The following SRSF10 variants were observed in gnomAD, a reference collection of about 807,000 sequenced individuals.
The protein encoded by SRSF10 is serine/arginine-rich splicing factor 10.
Under a neutral mutation model 32.6 loss-of-function variants are expected in SRSF10, and 9 were observed. That is an observed-to-expected ratio of 0.28 (90% CI 0.17 to 0.48). The LOEUF is 0.48. SRSF10 is among the 20% of genes least tolerant of loss of function. The probability of loss-of-function intolerance (pLI) is 0.99; values close to 1 mark genes in which losing one functional copy is unlikely to be tolerated. For synonymous variants in SRSF10, 105 were observed against 112.4 expected (o/e 0.93, Z 0.42); for missense variants, 201 against 331.8 (o/e 0.61, Z 3.06).
Position 23,968,554 on chromosome 1 carries a change from G to C in SRSF10, c.*2588C>G, listed in dbSNP as rs1453619822. Among the ~76,000 whole-genome samples, 13 of 152,178 alleles carry C rather than the reference G, an allele frequency of 8.5e-5. No individual in the cohort carries two copies. Among genetic ancestry groups the C allele is most frequent in the Non-Finnish European group, 1.3e-4 (9 of 67,986 alleles). ...GTGAGTTAACACATAGCCTTTTCAA[G>C]TGTCTGGCACATCATGAATACTTAA... On this transcript the variant is annotated 3_prime_UTR_variant, in exon 6 of 6. Transcript: ENST00000492112.
Position 23,980,317 on chromosome 1 carries a change from G to T in SRSF10, c.-62C>A. The T allele has an allele frequency of 1.5e-6, 2 of 1,374,508 alleles. No homozygotes were observed. Among genetic ancestry groups the T allele is most frequent in the Non-Finnish European group, 1.9e-6 (2 of 1,054,480 alleles). The allele number at this position is 1,374,508 out of a possible 1,614,324, so 85.1% of individuals were successfully genotyped here. A position where few individuals can be genotyped will look rare whatever the true frequency, so the allele number is the denominator to read the frequency against. ...TCAGCAAACCGTCCGCGGCTCAGGC[G>T]GCCGAGCCTCAGACACACACAGCTA... is the stretch of plus-strand genomic sequence containing the variant. On this transcript the variant is annotated 5_prime_UTR_variant, in exon 1 of 6. Transcript: ENST00000492112.
Position 23,965,922 on chromosome 1 carries a change from A to C in SRSF10, c.*5220T>G, listed in dbSNP as rs1641427360. 1 of 151,962 alleles carries C rather than the reference A, an allele frequency of 6.6e-6. No individual in the cohort carries two copies. Among genetic ancestry groups the C allele is most frequent in the South Asian group, 2.1e-4 (1 of 4,830 alleles). The allele number at this position is 151,962 out of a possible 1,614,324, so 9.4% of individuals were successfully genotyped here. A position where few individuals can be genotyped will look rare whatever the true frequency, so the allele number is the denominator to read the frequency against. On this transcript the variant is annotated 3_prime_UTR_variant, in exon 6 of 6. Coordinates refer to ENST00000492112, the MANE Select transcript of SRSF10 (RefSeq NM_054016.4). ...ATAGCCTCTACATATTCTTTTAAAA[A>C]TACATAGAACCTCTGTCCATAAGAA...
Position 23,969,056 on chromosome 1 carries a change from T to C in SRSF10, c.*2086A>G, listed in dbSNP as rs1051512065. 1.2e-6 allele frequency: 1 copy of C among 868,970 alleles called. No homozygotes were observed. Among genetic ancestry groups the C allele is most frequent in the Middle Eastern group, 5.9e-4 (1 of 1,688 alleles). 53.8% of individuals were successfully genotyped at this position (868,970 alleles called of 1,614,324 possible). A position where few individuals can be genotyped will look rare whatever the true frequency, so the allele number is the denominator to read the frequency against. On this transcript the variant is annotated 3_prime_UTR_variant, in exon 6 of 6. Coordinates refer to ENST00000492112, the MANE Select transcript of SRSF10 (RefSeq NM_054016.4). Reference sequence around the variant, plus strand: ...GTTATTTTAGAATCATATTCAATACTGTAATAATTCCAGTTAATCATTATT... The same window carrying C: ...GTTATTTTAGAATCATATTCAATACCGTAATAATTCCAGTTAATCATTATT...
intron 2 of SRSF10, chr1:23,977,860 TTACAA>T (rs1418819309): frequency 1.1e-6 from 1 of 930,098 alleles, no homozygotes; most frequent in African/African-American, 2.4e-5. Flanking sequence ...AATTAACTGC[TTACAA>T]AACATTAAAA....
intron 2 of SRSF10, chr1:23,977,278 G>A (rs1642150262): frequency 6.6e-6 from 1 of 152,174 alleles, no homozygotes; most frequent in Non-Finnish European, 1.5e-5. Context: ...CCTTGTTGCA[G>A]GGAGATGATC....
Position 23,974,928 on chromosome 1 carries a change from C to T in SRSF10, c.274+46G>A, listed in dbSNP as rs1346450468. The T allele has an allele frequency of 5.2e-6, 7 of 1,352,216 alleles. No individual in the cohort carries two copies. The African/African-American group carries it at 8.9e-5, about 17-fold the overall frequency. The allele number at this position is 1,352,216 out of a possible 1,614,324, so 83.8% of individuals were successfully genotyped here. A position where few individuals can be genotyped will look rare whatever the true frequency, so the allele number is the denominator to read the frequency against. ...AAATTCTTAAAAAAAAATCTCAAAA[C>T]ACTAAAAAATAATGTTTCATACATA... On this transcript the variant is annotated intron_variant, in intron 3 of 5. Coordinates refer to ENST00000492112, the MANE Select transcript of SRSF10 (RefSeq NM_054016.4).
chr1:23,980,216 C>T lies in SRSF10; in HGVS notation c.40G>A (p.Val14Ile). Residue 14 changes from valine (V) to isoleucine (I), a missense_variant, in exon 1 of 6, where the codon GTC becomes ATC. Transcript: ENST00000492112. ...CTGGTGTCGTCGGCCACGTTCCTGA[C>T]GAACAGAGACGTGTTGGGGGGACGC... ...YLRPPNTSLF[V>I]RNVADDTRSE... The T allele has an allele frequency of 6.5e-7, 1 of 1,528,714 alleles. No individual in the cohort carries two copies. 94.7% of individuals were successfully genotyped at this position (1,528,714 alleles called of 1,614,324 possible).
At position 23,975,210 on chromosome 1, in the gene SRSF10, T is replaced by C. The variant is rs1642013412; in HGVS notation, c.171-133A>G. 6 of 735,548 alleles carry C rather than the reference T, an allele frequency of 8.2e-6. No homozygotes were observed. In the Admixed American group the frequency reaches 8.9e-5, roughly 11 times the overall value. The allele number at this position is 735,548 out of a possible 1,614,324, so 45.6% of individuals were successfully genotyped here. A position where few individuals can be genotyped will look rare whatever the true frequency, so the allele number is the denominator to read the frequency against. On this transcript the variant is annotated intron_variant, in intron 2 of 5. Coordinates refer to ENST00000492112, the MANE Select transcript of SRSF10 (RefSeq NM_054016.4). ...ATCAACCAGACCCCCACTTACTAGT[T>C]GGTGATTCAGTTGGATTCAGTCATT... is the stretch of plus-strand genomic sequence containing the variant.
Position 23,970,149 on chromosome 1 carries a change from T to C in SRSF10, c.*993A>G. 1.0e-6 allele frequency: 1 copy of C among 985,420 alleles called. No homozygotes were observed. The highest frequency in any genetic ancestry group is 1.2e-6 in the Non-Finnish European group (1 of 829,916). The allele number at this position is 985,420 out of a possible 1,614,324, so 61.0% of individuals were successfully genotyped here. A position where few individuals can be genotyped will look rare whatever the true frequency, so the allele number is the denominator to read the frequency against. On this transcript the variant is annotated 3_prime_UTR_variant, in exon 6 of 6. Coordinates refer to ENST00000492112, the MANE Select transcript of SRSF10 (RefSeq NM_054016.4). ...GAATATTCCTTTTTCCTTAAAATTA[T>C]TTTTGCCATCAACGACCTGCTCAAA... is the stretch of plus-strand genomic sequence containing the variant.
rs1178890887 is a variant in SRSF10 at position 23,966,138 on chromosome 1, A to G, written c.*5004T>C. 1 of 151,934 alleles carries G rather than the reference A, an allele frequency of 6.6e-6. No individual in the cohort carries two copies. Among genetic ancestry groups the G allele is most frequent in the Non-Finnish European group, 1.5e-5 (1 of 67,832 alleles). 9.4% of individuals were successfully genotyped at this position (151,934 alleles called of 1,614,324 possible). On this transcript the variant is annotated 3_prime_UTR_variant, in exon 6 of 6. Transcript: ENST00000492112. ...GGTAACAAAAGATGAAACAAGTGAA[A>G]AATTATGGGCTGTAACCTAGGATCT...
chr1:23,971,664 A>G (rs1427842525), intron 4 of SRSF10, 38 bp from the exon 5 acceptor site: 210 of 1,594,966 alleles, frequency 1.3e-4, no homozygotes, highest in South Asian at 1.7e-4. Flanking sequence ...ACAAATATCT[A>G]TTCATAGAGG....
rs1286885133 is a variant in SRSF10 at position 23,967,340 on chromosome 1, G to C, written c.*3802C>G. 12 of 233,946 alleles carry C rather than the reference G, an allele frequency of 5.1e-5. No homozygotes were observed. The highest frequency in any genetic ancestry group is 9.2e-5 in the Non-Finnish European group (11 of 119,756). 14.5% of individuals were successfully genotyped at this position (233,946 alleles called of 1,614,324 possible). A position where few individuals can be genotyped will look rare whatever the true frequency, so the allele number is the denominator to read the frequency against. ...TTTGAGACAGACCAACAGAGGCACT[G>C]TAAGAGACTATGGCTGTCTTCCTTG... On this transcript the variant is annotated 3_prime_UTR_variant, in exon 6 of 6. Transcript: ENST00000492112.
Position 23,968,858 on chromosome 1 carries a change from G to A in SRSF10, c.*2284C>T, listed in dbSNP as rs1641587579. ...TAACCTCTTAAGTTAGTTAACCCAA[G>A]AGGCTTAATGAGCAATCATGAAACA... On this transcript the variant is annotated 3_prime_UTR_variant, in exon 6 of 6. Transcript: ENST00000492112. 1.3e-5 allele frequency among the ~76,000 whole-genome samples: 2 copies of A among 152,110 alleles called. No homozygotes were observed. Among genetic ancestry groups the A allele is most frequent in the Non-Finnish European group, 2.9e-5 (2 of 67,992 alleles).
intron 1 of SRSF10, among the ~76,000 whole-genome samples, chr1:23,979,389 C>T (rs920143825): frequency 1.7e-4 from 26 of 152,176 alleles, no homozygotes; most frequent in Middle Eastern, 3.4e-3. Context: ...ACCAAAAACC[C>T]AAACCACTTA....
At chr1:23,974,842 A>C in intron 3 of SRSF10, 132 bp downstream of exon 3, 1 of 721,380 alleles carries the variant, frequency 1.4e-6, no homozygotes. Context: ...CAAAAAAAAA[A>C]AAGAAAGAAA....
At position 23,969,222 on chromosome 1, in the gene SRSF10, T is replaced by C; in HGVS notation, c.*1920A>G. 8 of 985,288 alleles carry C rather than the reference T, an allele frequency of 8.1e-6. No homozygotes were observed. Among genetic ancestry groups the C allele is most frequent in the Non-Finnish European group, 8.4e-6 (7 of 829,402 alleles). The allele number at this position is 985,288 out of a possible 1,614,324, so 61.0% of individuals were successfully genotyped here. ...TAAAAAGAACATATAAAAATACCTT[T>C]TTAGAAGCCTCTATAAGAAAGAAAA... On this transcript the variant is annotated 3_prime_UTR_variant, in exon 6 of 6. Transcript: ENST00000492112.
At position 23,967,744 on chromosome 1, in the gene SRSF10, T is replaced by C; in HGVS notation, c.*3398A>G. ...TTGGTCTTAAATAAAAGAAGGATGT[T>C]TGTCAGTTTGGTTTCCTTTATTCTT... On this transcript the variant is annotated 3_prime_UTR_variant, in exon 6 of 6. Transcript: ENST00000492112. The C allele has an allele frequency of 1.9e-6, 3 of 1,611,520 alleles. No homozygotes were observed. The highest frequency in any genetic ancestry group is 1.7e-6 in the Non-Finnish European group (2 of 1,178,004).
Position 23,970,202 on chromosome 1 carries a change from T to C in SRSF10, c.*940A>G, listed in dbSNP as rs2148497510. On this transcript the variant is annotated 3_prime_UTR_variant, in exon 6 of 6. Transcript: ENST00000492112. ...TTAAGGTGAGTTTTTGTGTTTTCTA[T>C]GTTCCAAATCTTCATAGGAACCAGA... 1.0e-6 allele frequency: 1 copy of C among 985,424 alleles called. No homozygotes were observed. Among genetic ancestry groups the C allele is most frequent in the Non-Finnish European group, 1.2e-6 (1 of 829,920 alleles). 61.0% of individuals were successfully genotyped at this position (985,424 alleles called of 1,614,324 possible). A position where few individuals can be genotyped will look rare whatever the true frequency, so the allele number is the denominator to read the frequency against.
rs1294486663 is a variant in SRSF10 at position 23,968,413 on chromosome 1, G to T, written c.*2729C>A. ...AAACAAAACCCCCCCAAAACTAAGGGACCAGGCCTGGGCTTAAATCCTGGC... is the reference window on the plus strand; with the variant it reads ...AAACAAAACCCCCCCAAAACTAAGGTACCAGGCCTGGGCTTAAATCCTGGC... On this transcript the variant is annotated 3_prime_UTR_variant, in exon 6 of 6. Transcript: ENST00000492112. 6.6e-6 allele frequency among the ~76,000 whole-genome samples: 1 copy of T among 151,988 alleles called. No individual in the cohort carries two copies. The highest frequency in any genetic ancestry group is 1.5e-5 in the Non-Finnish European group (1 of 67,974).
Sources: gnomAD v4.1 joint callset for allele counts (sites outside exome capture counted in the v4.1 genomes callset) on GRCh38, gnomAD v4.1.1 for gene constraint, MANE v1.5 for transcripts, NCBI Gene and HGNC (gene_info 2026-07-23, HGNC 2026-07-21) for gene names.